Variants in N4BP2 observed in about 807,000 individuals in gnomAD.
N4BP2 encodes the protein NEDD4-binding protein 2.
Under a neutral mutation model 152.8 loss-of-function variants are expected in N4BP2, and 91 were observed. That is an observed-to-expected ratio of 0.60 (90% CI 0.50 to 0.71). N4BP2 has a LOEUF of 0.71. Ranked by LOEUF, N4BP2 falls within the 30% of genes least tolerant of loss-of-function variation. The pLI, the probability that N4BP2 is intolerant of heterozygous loss-of-function variation, is 0.00. For missense variants in N4BP2, 1,923 were observed against 2,059.1 expected (o/e 0.93, Z 1.28); for synonymous variants, 646 against 705.3 (o/e 0.92, Z 1.33).
At chr4:40,126,097 T>C in intron 11 of N4BP2, 37 bp from the exon 12 acceptor site, 1 of 1,213,654 alleles carries the variant, frequency 8.2e-7, no homozygotes, top group African/African-American at 1.6e-5. Context: ...TATACATTTA[T>C]TGTTGAGAGT....
At position 40,154,285 on chromosome 4, in the gene N4BP2, A is replaced by G; in HGVS notation, c.*48A>G. 7.7e-7 allele frequency: 1 copy of G among 1,295,478 alleles called. No individual in the cohort carries two copies. Among genetic ancestry groups the G allele is most frequent in the Non-Finnish European group, 1.1e-6 (1 of 922,646 alleles). 80.2% of individuals were successfully genotyped at this position (1,295,478 alleles called of 1,614,324 possible). ...GTATGAAGGTTTGTAGGTTAAAATT[A>G]CTTTTATTTGCAGTAATTCAGTCAA... On this transcript the variant is annotated 3_prime_UTR_variant, in exon 18 of 18. Coordinates refer to ENST00000261435, the MANE Select transcript of N4BP2 (RefSeq NM_018177.6).
intron 2 of N4BP2, among the ~76,000 whole-genome samples, chr4:40,077,694 T>G (rs548918812): frequency 6.6e-6 from 1 of 152,116 alleles, no homozygotes; most frequent in Non-Finnish European, 1.5e-5. Flanking sequence ...CCTCAAGTGA[T>G]CCGTCCACTT....
At position 40,152,630 on chromosome 4, in the gene N4BP2, G is replaced by A. The variant is rs113673899; in HGVS notation, c.5144-150G>A. 1.8e-3 allele frequency: 1,260 copies of A among 700,286 alleles called. 14 individuals carry two copies. The African/African-American group carries it at 0.021, about 11-fold the overall frequency. 43.4% of individuals were successfully genotyped at this position (700,286 alleles called of 1,614,324 possible). ...ATTAATTTGGGGGCTTTTTGAGATA[G>A]CAAATCTGTCTTACTATTACAGTTT... On this transcript the variant is annotated intron_variant, in intron 16 of 17. Transcript: ENST00000261435.
At chr4:40,127,634 A>G (rs1718531544) in intron 12 of N4BP2, among the ~76,000 whole-genome samples, 1 of 151,800 alleles carries the variant, frequency 6.6e-6, no homozygotes, top group South Asian at 2.1e-4. Context: ...CTATCTTACT[A>G]TTAAAGATGT....
chr4:40,127,110 C>T (rs918181739), intron 12 of N4BP2, among the ~76,000 whole-genome samples: 2 of 149,762 alleles, frequency 1.3e-5, no homozygotes, highest in African/African-American at 4.9e-5. Flanking sequence ...AGGCTGGTCT[C>T]GAGTTCTGGG....
chr4:40,176,904 G>A, the N4BP2 span, among the ~76,000 whole-genome samples: 18 of 152,158 alleles, frequency 1.2e-4, no homozygotes, highest in African/African-American at 4.1e-4. Context: ...CTGGCCTTTC[G>A]GGGGATCCCT....
At chr4:40,122,782 T>C (rs533007632) in intron 9 of N4BP2, among the ~76,000 whole-genome samples, 44 of 152,334 alleles carry the variant, frequency 2.9e-4, no homozygotes, top group African/African-American at 1.0e-3. Flanking sequence ...TAAAATCCTT[T>C]GGTGCTACTC....
At chr4:40,106,836 G>T in intron 4 of N4BP2, 64 bp from the exon 5 acceptor site, 1 of 1,496,390 alleles carries the variant, frequency 6.7e-7, no homozygotes. Context: ...TATGACTTTG[G>T]AAAAATTAGG....
intron 2 of N4BP2, among the ~76,000 whole-genome samples, chr4:40,076,035 G>A (rs189122657): frequency 2.0e-5 from 3 of 151,896 alleles, no homozygotes; most frequent in South Asian, 4.2e-4. Context: ...TATGTTGCCC[G>A]GGCTTGTATT....
At chr4:40,149,670 G>A (rs1271724202) in intron 16 of N4BP2, among the ~76,000 whole-genome samples, 4 of 151,804 alleles carry the variant, frequency 2.6e-5, no homozygotes, top group African/African-American at 4.8e-5. Context: ...CGAGGCTGGC[G>A]GATCACGAGG....
At chr4:40,174,303 G>C in the N4BP2 span, among the ~76,000 whole-genome samples, 3 of 152,126 alleles carry the variant, frequency 2.0e-5, no homozygotes. Flanking sequence ...CTTGAGCCTA[G>C]GAGATGGAGG....
chr4:40,152,892 C>A lies in N4BP2; in HGVS notation c.5256C>A (p.Ser1752Arg). 1 of 1,613,930 alleles carries A rather than the reference C, an allele frequency of 6.2e-7. No homozygotes were observed. ...CAGCTGTCATTAAGTACCTCATAAG[C>A]CATAGCTTCAGGTGAGTGTAGATTT... is the stretch of plus-strand genomic sequence containing the variant. ...IKPAVIKYLI[S>R]HSFRFSEIKP... Residue 1752 changes from serine (S) to arginine (R), a missense_variant, in exon 17 of 18, where the codon AGC becomes AGA. Transcript: ENST00000261435.
intron 4 of N4BP2, 149 bp from the exon 5 acceptor site, chr4:40,106,751 G>T (rs960513581): frequency 1.4e-5 from 9 of 642,674 alleles, no homozygotes; most frequent in Non-Finnish European, 2.1e-5. Flanking sequence ...ATTTCACCAT[G>T]TTGGCCAGGC....
intron 2 of N4BP2, among the ~76,000 whole-genome samples, chr4:40,075,271 A>G (rs1246116532): frequency 6.6e-6 from 1 of 152,198 alleles, no homozygotes; most frequent in African/African-American, 2.4e-5. Flanking sequence ...GTAGTTAAGG[A>G]TTATAGACAG....
At position 40,121,251 on chromosome 4, in the gene N4BP2, A is replaced by G; in HGVS notation, c.3140A>G (p.Asp1047Gly). 1 of 1,613,550 alleles carries G rather than the reference A, an allele frequency of 6.2e-7. No individual in the cohort carries two copies. Reference sequence around the variant, plus strand: ...ATCAAAGTATTAACAGGAAGATTAGATGGATTTAAGCCGAAAGTTTTCAAT... The same window carrying G: ...ATCAAAGTATTAACAGGAAGATTAGGTGGATTTAAGCCGAAAGTTTTCAAT... ...DSIKVLTGRL[D>G]GFKPKVFNIN... The change falls in exon 9 of 18, where the codon GAT becomes GGT. Residue 1047 changes from aspartate to glycine, a missense_variant. Physicochemically the swap from Asp to Gly is moderately conservative, Grantham distance 94. Coordinates refer to ENST00000261435, the MANE Select transcript of N4BP2 (RefSeq NM_018177.6).
chr4:40,135,461 C>A (rs1212967210), intron 13 of N4BP2, among the ~76,000 whole-genome samples: 5 of 152,036 alleles, frequency 3.3e-5, no homozygotes, highest in Non-Finnish European at 5.9e-5. Context: ...TGGGTATATA[C>A]CCAGTAATGG....
At chr4:40,069,945 A>C (rs1711981620) in intron 1 of N4BP2, among the ~76,000 whole-genome samples, 1 of 152,042 alleles carries the variant, frequency 6.6e-6, no homozygotes, top group South Asian at 2.1e-4. Context: ...CACAACCCCC[A>C]AAAACTCTTT....
the N4BP2 span, among the ~76,000 whole-genome samples, chr4:40,185,537 G>A: frequency 2.0e-5 from 3 of 152,150 alleles, no homozygotes; most frequent in South Asian, 6.2e-4. Context: ...AAATACTATA[G>A]AGATAGGTTT....
At chr4:40,089,049 C>T (rs2109934782) in intron 2 of N4BP2, among the ~76,000 whole-genome samples, 1 of 152,160 alleles carries the variant, frequency 6.6e-6, no homozygotes, top group Admixed American at 6.5e-5. Context: ...CTCCCAGCTG[C>T]AAAGGATCCT....
Sources: gnomAD v4.1 joint callset for allele counts (sites outside exome capture counted in the v4.1 genomes callset) on GRCh38, gnomAD v4.1.1 for gene constraint, MANE v1.5 for transcripts, NCBI Gene and HGNC (gene_info 2026-07-23, HGNC 2026-07-21) for gene names.